Variants in PRTFDC1 observed in about 807,000 individuals in gnomAD.
PRTFDC1 encodes phosphoribosyl transferase domain containing 1.
PRTFDC1 carries 38 observed loss-of-function variants against 34.6 expected under a neutral mutation model. The observed-to-expected ratio is 1.10, with a 90% CI of 0.85 to 1.44. The LOEUF (loss-of-function observed/expected upper bound fraction) is 1.44, where lower values mean the gene tolerates loss of function less well. Among genes scored for constraint, PRTFDC1 ranks in the 40% most tolerant of loss-of-function variants. The pLI is 0.00. For synonymous variants in PRTFDC1, 93 were observed against 98.1 expected, an observed-to-expected ratio of 0.95 and a Z score of 0.31; for missense variants, 270 against 283.0, an observed-to-expected ratio of 0.95 and a Z score of 0.33.
intron 3 of PRTFDC1, among the ~76,000 whole-genome samples, chr10:24,935,303 G>A (rs557254361): frequency 6.6e-6 from 1 of 152,154 alleles, no homozygotes; most frequent in East Asian, 1.9e-4. Context: ...GTGAATGAGA[G>A]AAATCTGGTA....
At chr10:24,889,071 G>C (rs1258685883) in intron 3 of PRTFDC1, among the ~76,000 whole-genome samples, 2 of 152,130 alleles carry the variant, frequency 1.3e-5, no homozygotes, top group Non-Finnish European at 2.9e-5. Flanking sequence ...GAATCACCAT[G>C]ATACTAGGAG....
At chr10:24,894,324 A>C in intron 3 of PRTFDC1, among the ~76,000 whole-genome samples, 1 of 136,624 alleles carries the variant, frequency 7.3e-6, no homozygotes, top group Non-Finnish European at 1.5e-5. Context: ...AGCTAGACTC[A>C]ATCTCAAAAA....
intron 4 of PRTFDC1, among the ~76,000 whole-genome samples, chr10:24,863,742 T>C (rs1157244498): frequency 6.6e-6 from 1 of 151,882 alleles, no homozygotes; most frequent in Non-Finnish European, 1.5e-5. Flanking sequence ...TTGGAAGAAG[T>C]TGATTCCGAC....
rs149523537 is a variant in PRTFDC1 at position 24,938,612 on chromosome 10, G to A, written c.156-1245C>T. Among the ~76,000 whole-genome samples the A allele has an allele frequency of 4.1e-3, 627 of 152,322 alleles. 4 individuals are homozygous for A. Among genetic ancestry groups the A allele is most frequent in the Non-Finnish European group, 5.7e-3 (388 of 68,026 alleles). ...TCCACTATCCTGAGGTGCAGTCACC[G>A]CTGAGCAGTGCACTGGCAGGCTGGC... is the stretch of plus-strand genomic sequence containing the variant. On this transcript the variant is annotated intron_variant, in intron 2 of 8. Coordinates refer to ENST00000320152, the MANE Select transcript of PRTFDC1 (RefSeq NM_020200.7).
intron 3 of PRTFDC1, among the ~76,000 whole-genome samples, chr10:24,892,835 G>A (rs1365236595): frequency 6.6e-6 from 1 of 152,192 alleles, no homozygotes; most frequent in Non-Finnish European, 1.5e-5. Flanking sequence ...CTAAAAGCCA[G>A]TGTTGGTACC....
intron 1 of PRTFDC1, among the ~76,000 whole-genome samples, chr10:24,948,795 C>A (rs1849291891): frequency 6.6e-6 from 1 of 152,164 alleles, no homozygotes; most frequent in Non-Finnish European, 1.5e-5. Flanking sequence ...AGCCTTAGCT[C>A]AAACTACATT....
In PRTFDC1 at chr10:24,904,921, G is replaced by T. The variant is rs142158102; in HGVS notation, c.339+32263C>A. Among the ~76,000 whole-genome samples the T allele has an allele frequency of 4.2e-3, 632 of 152,154 alleles. 3 individuals are homozygous for T. Among genetic ancestry groups the T allele is most frequent in the African/African-American group, 0.014 (599 of 41,508 alleles). ...TCCTTTCACTTTTATCTCTTATCAA[G>T]ATATCTCTACAGTACCAAGGTTCAT... On this transcript the variant is annotated intron_variant, in intron 3 of 8. Transcript: ENST00000320152.
chr10:24,948,259 T>C (rs888457373), intron 1 of PRTFDC1, among the ~76,000 whole-genome samples: 6 of 152,294 alleles, frequency 3.9e-5, no homozygotes, highest in African/African-American at 1.4e-4. Flanking sequence ...GCTCAGTTGA[T>C]AATCATTTGG....
chr10:24,921,395 G>A (rs1481824060), intron 3 of PRTFDC1, among the ~76,000 whole-genome samples: 1 of 152,094 alleles, frequency 6.6e-6, no homozygotes, highest in Non-Finnish European at 1.5e-5. Flanking sequence ...GGGCACCAAA[G>A]CCCCCATCCC....
At chr10:24,854,933 T>C (rs1029660702) in intron 7 of PRTFDC1, among the ~76,000 whole-genome samples, 3 of 152,168 alleles carry the variant, frequency 2.0e-5, no homozygotes, top group Non-Finnish European at 2.9e-5. Flanking sequence ...GTCTGACTGG[T>C]GAGAATAGAG....
chr10:24,895,688 G>GAGATATAT (rs1491335198), intron 3 of PRTFDC1, among the ~76,000 whole-genome samples: 9 of 47,382 alleles, frequency 1.9e-4, no homozygotes, highest in East Asian at 7.4e-4. Context: ...AGCTGGGGTG[G>GAGATATAT]ATATATATAT....
chr10:24,934,468 A>C (rs1849019842), intron 3 of PRTFDC1, among the ~76,000 whole-genome samples: 1 of 152,116 alleles, frequency 6.6e-6, no homozygotes, highest in Non-Finnish European at 1.5e-5. Flanking sequence ...GGAATTGCTG[A>C]TAGAATAGAC....
At chr10:24,931,123 T>C (rs539310681) in intron 3 of PRTFDC1, among the ~76,000 whole-genome samples, 11 of 152,066 alleles carry the variant, frequency 7.2e-5, no homozygotes, top group Non-Finnish European at 1.3e-4. Flanking sequence ...CCCCAAATAC[T>C]TGAAAATTAA....
intron 3 of PRTFDC1, among the ~76,000 whole-genome samples, chr10:24,878,221 C>G (rs1238123941): frequency 6.6e-6 from 1 of 151,494 alleles, no homozygotes; most frequent in Non-Finnish European, 1.5e-5. Context: ...TGTGGTGAGC[C>G]AAGATTGCAC....
chr10:24,896,557 C>A (rs61854286), intron 3 of PRTFDC1, among the ~76,000 whole-genome samples: 15,696 of 152,162 alleles, frequency 0.1, 1,113 homozygotes, highest in East Asian at 0.29. Context: ...CAGTGCCATG[C>A]TAGTTTTAGT....
chr10:24,854,177 T>C (rs752999613), intron 7 of PRTFDC1, among the ~76,000 whole-genome samples: 1 of 152,222 alleles, frequency 6.6e-6, no homozygotes. Flanking sequence ...AAATTTGTCA[T>C]TGAAGTGAAT....
intron 3 of PRTFDC1, among the ~76,000 whole-genome samples, chr10:24,881,482 G>C (rs1848079012): frequency 6.6e-6 from 1 of 152,164 alleles, no homozygotes; most frequent in South Asian, 2.1e-4. Context: ...GCAGGGCATG[G>C]AGTGATCCTG....
In PRTFDC1 at chr10:24,924,656, A is replaced by G. The variant is rs201001390; in HGVS notation, c.339+12528T>C. On this transcript the variant is annotated intron_variant, in intron 3 of 8. Coordinates refer to ENST00000320152, the MANE Select transcript of PRTFDC1 (RefSeq NM_020200.7). The stretch of plus-strand genomic sequence containing the variant: ...ACAACCCCATCAAAAAGTGGGCAAA[A>G]GACATGAACAGACACTTCTCAAAAG... Among the ~76,000 whole-genome samples, 76 of 152,274 alleles carry G rather than the reference A, an allele frequency of 5.0e-4. 2 individuals carry two copies. In the South Asian group the frequency reaches 0.015, roughly 29 times the overall value.
intron 1 of PRTFDC1, among the ~76,000 whole-genome samples, chr10:24,949,735 A>ATT (rs758571429): frequency 1.4e-4 from 19 of 140,094 alleles, no homozygotes; most frequent in Non-Finnish European, 3.0e-4. Context: ...TTATTTATTT[A>ATT]TTTATTTTTT....
Sources: allele counts gnomAD v4.1 joint callset (sites outside exome capture counted in the v4.1 genomes callset), GRCh38; gene constraint gnomAD v4.1.1; transcripts MANE v1.5; gene names NCBI Gene and HGNC (gene_info 2026-07-23, HGNC 2026-07-21).